Variants in AP5M1 observed in about 807,000 individuals in gnomAD.
The protein encoded by AP5M1 is adaptor related protein complex 5 subunit mu 1.
A neutral mutation model predicts 52.3 loss-of-function variants in AP5M1; 44 were observed. The observed-to-expected ratio is 0.84, with a 90% CI of 0.66 to 1.08. The LOEUF (loss-of-function observed/expected upper bound fraction) is 1.08. AP5M1 is among the 50% of genes least tolerant of loss of function. The pLI, the probability that AP5M1 is intolerant of heterozygous loss-of-function variation, is 0.00. For synonymous variants in AP5M1, 213 were observed against 199.0 expected, an observed-to-expected ratio of 1.07 and a Z score of -0.59; for missense variants, 526 against 568.4, an observed-to-expected ratio of 0.93 and a Z score of 0.76.
chr14:57,281,300 T>C (rs1203336), intron 3 of AP5M1, among the ~76,000 whole-genome samples: 36,209 of 152,090 alleles, frequency 0.24, 10,532 homozygotes, highest in African/African-American at 0.7. Context: ...TTTTCAGACT[T>C]CCAAACCTCG....
chr14:57,274,859 A>G lies in AP5M1; in HGVS notation c.690A>G (p.Thr230=), dbSNP rs1884986437. Reference sequence around the variant, plus strand: ...ATGATAAACAGGGTATAGCAGATACATGGCAAGTTGTTGGAACAGTGACTT... The same window carrying G: ...ATGATAAACAGGGTATAGCAGATACGTGGCAAGTTGTTGGAACAGTGACTT... ...MQYDKQGIAD[T]WQVVGTVTCK... is the part of the protein sequence containing the mutation. Residue 230 remains threonine, a synonymous_variant, in exon 2 of 8, where the codon ACA becomes ACG. Transcript: ENST00000261558. The G allele has an allele frequency of 3.7e-6, 6 of 1,614,208 alleles. No homozygotes were observed. In the East Asian group the frequency reaches 8.9e-5, roughly 24 times the overall value.
rs114072619 is a variant in AP5M1 at position 57,274,246 on chromosome 14, G to T, written c.77G>T (p.Arg26Leu). ...PLCGTVRFSR[R>L]YPTVEKRARV... ...ATGTTTCTGTTTCCGTAATGCAGAC[G>T]GTATCCAACTGTTGAAAAACGAGCC... The change falls in exon 2 of 8, where the codon CGG (arginine) becomes CTG (leucine). Residue 26 changes from arginine (R) to leucine (L), a missense_variant and splice_region_variant. By Grantham distance (102) the Arg-to-Leu change is moderately radical. Transcript: ENST00000261558. 3.8e-6 allele frequency: 6 copies of T among 1,593,168 alleles called. No individual in the cohort carries two copies. The African/African-American group carries it at 4.1e-5, about 11-fold the overall frequency.
At chr14:57,284,172 A>C (rs1349025299) in intron 6 of AP5M1, among the ~76,000 whole-genome samples, 1 of 152,224 alleles carries the variant, frequency 6.6e-6, no homozygotes, top group Non-Finnish European at 1.5e-5. Context: ...CCAAACTCTG[A>C]GGCCTAGTAA....
rs1885568377 is a variant in AP5M1, at chr14:57,297,078, G to C, written c.*8194G>C. On this transcript the variant is annotated 3_prime_UTR_variant, in exon 8 of 8. Coordinates refer to ENST00000261558, the MANE Select transcript of AP5M1 (RefSeq NM_018229.4). ...AGAAACTTGAGCACCTGATATAGCA[G>C]AAGGAAATAAAGATTATAGTAAGTA... The C allele has an allele frequency of 6.6e-6, 1 of 152,000 alleles. No homozygotes were observed. Among genetic ancestry groups the C allele is most frequent in the South Asian group, 2.1e-4 (1 of 4,816 alleles). 9.4% of individuals were successfully genotyped at this position (152,000 alleles called of 1,614,324 possible).
intron 3 of AP5M1, among the ~76,000 whole-genome samples, chr14:57,280,840 GACTCCATCTCAA>G (rs1414792969): frequency 2.7e-5 from 4 of 148,730 alleles, no homozygotes; most frequent in African/African-American, 1.0e-4. Context: ...GACAGAGTGA[GACTCCATCTCAA>G]AAAAAAAAAA....
In AP5M1 at chr14:57,289,271, A is replaced by G. The variant is rs1221936381; in HGVS notation, c.*387A>G. The stretch of plus-strand genomic sequence containing the variant: ...AAAGGGTCAGGCTCCTTTTTAGTTC[A>G]GAGATTCAGGCAGCCACTCCCAGTG... On this transcript the variant is annotated 3_prime_UTR_variant, in exon 8 of 8. Transcript: ENST00000261558. The G allele has an allele frequency of 6.5e-6, 1 of 154,230 alleles. No homozygotes were observed. Among genetic ancestry groups the G allele is most frequent in the East Asian group, 1.9e-4 (1 of 5,246 alleles). 9.6% of individuals were successfully genotyped at this position (154,230 alleles called of 1,614,324 possible).
chr14:57,295,356 T>C lies in AP5M1; in HGVS notation c.*6472T>C, dbSNP rs1885526962. ...AAGTAAATTAGAACAAGCAAATTGC[T>C]GTTGAAAAATTCTTTCAGCACTCTG... On this transcript the variant is annotated 3_prime_UTR_variant, in exon 8 of 8. Transcript: ENST00000261558. 2.0e-5 allele frequency: 3 copies of C among 151,964 alleles called. No individual in the cohort carries two copies. Among genetic ancestry groups the C allele is most frequent in the Non-Finnish European group, 4.4e-5 (3 of 67,900 alleles). 9.4% of individuals were successfully genotyped at this position (151,964 alleles called of 1,614,324 possible). A position where few individuals can be genotyped will look rare whatever the true frequency, so the allele number is the denominator to read the frequency against.
Position 57,269,075 on chromosome 14 carries a change from T to C in AP5M1, c.-240T>C. The C allele has an allele frequency of 1.8e-6, 1 of 568,150 alleles. No homozygotes were observed. Among genetic ancestry groups the C allele is most frequent in the Non-Finnish European group, 3.1e-6 (1 of 324,362 alleles). 35.2% of individuals were successfully genotyped at this position (568,150 alleles called of 1,614,324 possible). On this transcript the variant is annotated 5_prime_UTR_variant, in exon 1 of 8. Coordinates refer to ENST00000261558, the MANE Select transcript of AP5M1 (RefSeq NM_018229.4). ...ACCGGAGTTGCAGGGTATAGGTAAATTTCTCAAGGTTATAGGTTGGGGTTC... is the reference window on the plus strand; with the variant it reads ...ACCGGAGTTGCAGGGTATAGGTAAACTTCTCAAGGTTATAGGTTGGGGTTC...
intron 3 of AP5M1, among the ~76,000 whole-genome samples, chr14:57,281,177 C>A (rs984513237): frequency 1.3e-5 from 2 of 152,088 alleles, no homozygotes; most frequent in Admixed American, 1.3e-4. Context: ...TGCTAACAAC[C>A]TTTAGATTAA....
chr14:57,285,961 T>C (rs1885297027), intron 6 of AP5M1, among the ~76,000 whole-genome samples: 1 of 152,160 alleles, frequency 6.6e-6, no homozygotes, highest in Non-Finnish European at 1.5e-5. Context: ...TTAGAGCTGT[T>C]AGTGAAGTGC....
In AP5M1 at chr14:57,293,410, G is replaced by A. The variant is rs952886732; in HGVS notation, c.*4526G>A. 6 of 151,602 alleles carry A rather than the reference G, an allele frequency of 4.0e-5. No individual in the cohort carries two copies. In the South Asian group the frequency reaches 1.2e-3, roughly 31 times the overall value. 9.4% of individuals were successfully genotyped at this position (151,602 alleles called of 1,614,324 possible). ...ACTTTTTTTGGCTCAGACTTTTTGT[G>A]ATCTAATTTATAAATTGAAACAATG... On this transcript the variant is annotated 3_prime_UTR_variant, in exon 8 of 8. Transcript: ENST00000261558.
chr14:57,295,708 T>C lies in AP5M1; in HGVS notation c.*6824T>C, dbSNP rs1040529472. 6.6e-6 allele frequency: 1 copy of C among 151,456 alleles called. No homozygotes were observed. Among genetic ancestry groups the C allele is most frequent in the Non-Finnish European group, 1.5e-5 (1 of 67,774 alleles). The allele number at this position is 151,456 out of a possible 1,614,324, so 9.4% of individuals were successfully genotyped here. A position where few individuals can be genotyped will look rare whatever the true frequency, so the allele number is the denominator to read the frequency against. On this transcript the variant is annotated 3_prime_UTR_variant, in exon 8 of 8. Transcript: ENST00000261558. ...TAAAGATTTTTGTCTCTAGGAAATA[T>C]ATTCCATTAAAAAAAAAAAGAAAGA...
rs190620925 is a variant in AP5M1 at position 57,293,687 on chromosome 14, T to C, written c.*4803T>C. 6.6e-6 allele frequency: 1 copy of C among 151,770 alleles called. No homozygotes were observed. Among genetic ancestry groups the C allele is most frequent in the Admixed American group, 6.6e-5 (1 of 15,202 alleles). The allele number at this position is 151,770 out of a possible 1,614,324, so 9.4% of individuals were successfully genotyped here. A position where few individuals can be genotyped will look rare whatever the true frequency, so the allele number is the denominator to read the frequency against. On this transcript the variant is annotated 3_prime_UTR_variant, in exon 8 of 8. Transcript: ENST00000261558. The stretch of plus-strand genomic sequence containing the variant: ...CATATTTAATCAATAAAACAGGATA[T>C]ATTTTGAAATTCACCATCACAGAAT...
chr14:57,269,197 T>A lies in AP5M1; in HGVS notation c.-118T>A. 1.0e-6 allele frequency: 1 copy of A among 956,420 alleles called. No homozygotes were observed. Among genetic ancestry groups the A allele is most frequent in the African/African-American group, 1.6e-5 (1 of 61,046 alleles). The allele number at this position is 956,420 out of a possible 1,614,324, so 59.2% of individuals were successfully genotyped here. Reference sequence around the variant, plus strand: ...ACCTCTCTGCTGAGCGCGACCGGTATGCGGCGCAGGATGAGCCTCAGGGCT... The same window carrying A: ...ACCTCTCTGCTGAGCGCGACCGGTAAGCGGCGCAGGATGAGCCTCAGGGCT... On this transcript the variant is annotated 5_prime_UTR_variant, in exon 1 of 8. An upstream start codon of the reference 5' UTR is lost. Coordinates refer to ENST00000261558, the MANE Select transcript of AP5M1 (RefSeq NM_018229.4).
chr14:57,293,130 T>C lies in AP5M1; in HGVS notation c.*4246T>C, dbSNP rs1428124368. The C allele has an allele frequency of 2.0e-5, 3 of 151,706 alleles. No homozygotes were observed. The highest frequency in any genetic ancestry group is 4.4e-5 in the Non-Finnish European group (3 of 67,732). The allele number at this position is 151,706 out of a possible 1,614,324, so 9.4% of individuals were successfully genotyped here. A position where few individuals can be genotyped will look rare whatever the true frequency, so the allele number is the denominator to read the frequency against. On this transcript the variant is annotated 3_prime_UTR_variant, in exon 8 of 8. Transcript: ENST00000261558. ...TTGAGAAAGAAAAGGTAATGTTTCA[T>C]GGTAGGTTTCTCAATTTGCTGTTTA... is the stretch of plus-strand genomic sequence containing the variant.
In AP5M1 at chr14:57,292,768, C is replaced by G. The variant is rs987041263; in HGVS notation, c.*3884C>G. 35 of 151,802 alleles carry G rather than the reference C, an allele frequency of 2.3e-4. No homozygotes were observed. The highest frequency in any genetic ancestry group is 8.4e-4 in the African/African-American group (35 of 41,478). 9.4% of individuals were successfully genotyped at this position (151,802 alleles called of 1,614,324 possible). ...GCATGGTTTCTTCTCACCTTTCCCCCTACCACCACCACCACCATTAGAAAA... is the reference window on the plus strand; with the variant it reads ...GCATGGTTTCTTCTCACCTTTCCCCGTACCACCACCACCACCATTAGAAAA... On this transcript the variant is annotated 3_prime_UTR_variant, in exon 8 of 8. Transcript: ENST00000261558.
chr14:57,275,097 T>C (rs1884994102), intron 2 of AP5M1: 4 of 599,630 alleles, frequency 6.7e-6, no homozygotes, highest in Non-Finnish European at 1.2e-5. Context: ...AATTGTCTCA[T>C]TGTCCCCAAA....
At chr14:57,269,517 CCT>C (rs1884823884) in intron 1 of AP5M1, 129 bp downstream of exon 1, 4 of 795,354 alleles carry the variant, frequency 5.0e-6, no homozygotes, top group South Asian at 1.6e-5. Context: ...AGTTAACAGA[CCT>C]CTGTTTCGTC....
At chr14:57,273,293 TA>T (rs1594697446) in intron 1 of AP5M1, among the ~76,000 whole-genome samples, 2 of 152,328 alleles carry the variant, frequency 1.3e-5, no homozygotes, top group African/African-American at 2.4e-5. Context: ...TAAACATCAA[TA>T]TTTTTTAATA....
Sources: gnomAD v4.1 joint callset for allele counts (sites outside exome capture counted in the v4.1 genomes callset) on GRCh38, gnomAD v4.1.1 for gene constraint, MANE v1.5 for transcripts, NCBI Gene and HGNC (gene_info 2026-07-23, HGNC 2026-07-21) for gene names.